The following ICA1 variants were observed in gnomAD, a reference collection of about 807,000 sequenced individuals.
The protein encoded by ICA1 is islet cell autoantigen 1.
Under a neutral mutation model 71.0 loss-of-function variants are expected in ICA1, and 40 were observed. That is an observed-to-expected ratio of 0.56 (90% CI 0.44 to 0.73). ICA1 has a LOEUF of 0.73. Ranked by LOEUF, ICA1 falls within the 30% of genes least tolerant of loss-of-function variation. The probability of loss-of-function intolerance (pLI) is 0.00; values close to 1 mark genes in which losing one functional copy is unlikely to be tolerated. For synonymous variants in ICA1, 207 were observed against 209.5 expected, an observed-to-expected ratio of 0.99 and a Z score of 0.10; for missense variants, 578 against 576.5, an observed-to-expected ratio of 1.00 and a Z score of -0.03.
Position 8,221,377 on chromosome 7 carries a change from T to C in ICA1, c.278A>G (p.Glu93Gly). 10 of 1,613,554 alleles carry C rather than the reference T, an allele frequency of 6.2e-6. No individual in the cohort carries two copies. Among genetic ancestry groups the C allele is most frequent in the Non-Finnish European group, 8.5e-6 (10 of 1,179,608 alleles). The change falls in exon 5 of 14, where the codon GAA becomes GGA. Residue 93 changes from glutamate (E) to glycine (G), a missense_variant. Transcript: ENST00000402384. The stretch of plus-strand genomic sequence containing the variant: ...TTGGGATCGAAGAAATTTTCCCAGT[T>C]CGTTTTCTTCTTGAGACAAGACTGA... Reference protein sequence around the residue: ...RICFLSQEENELGKFLRSQGF... With the variant: ...RICFLSQEENGLGKFLRSQGF...
At chr7:8,242,710 C>A (rs1285100687) in intron 1 of ICA1, among the ~76,000 whole-genome samples, 1 of 151,966 alleles carries the variant, frequency 6.6e-6, no homozygotes, top group Non-Finnish European at 1.5e-5. Flanking sequence ...CAAACAGATG[C>A]AATAAAAAAT....
chr7:8,245,199 G>A (rs1805502430), intron 1 of ICA1, among the ~76,000 whole-genome samples: 2 of 152,124 alleles, frequency 1.3e-5, no homozygotes, highest in South Asian at 4.1e-4. Context: ...AGAAAATGCG[G>A]CACATATACA....
In ICA1 at chr7:8,153,836, A is replaced by AATATATATATATATATATATATATAT. The variant is rs33924786; in HGVS notation, c.804+3279_804+3280insATATATATATATATATATATATATAT. Reference sequence around the variant, plus strand: ...AATATATTAATTACAACTCATGCAGAATATATATATATATATATATATGTA... The same window carrying AATATATATATATATATATATATATAT: ...AATATATTAATTACAACTCATGCAGAATATATATATATATATATATATATATATATATATATATATATATATATGTA... On this transcript the variant is annotated intron_variant, in intron 8 of 13. Coordinates refer to ENST00000402384, the MANE Select transcript of ICA1 (RefSeq NM_001136020.3). Among the ~76,000 whole-genome samples, 530 of 136,878 alleles carry AATATATATATATATATATATATATAT rather than the reference A, an allele frequency of 3.9e-3. 8 individuals carry two copies. Among genetic ancestry groups the AATATATATATATATATATATATATAT allele is most frequent in the Non-Finnish European group, 5.4e-3 (340 of 62,942 alleles). The allele number at this position is 136,878 out of a possible 152,430, so 89.8% of individuals were successfully genotyped here.
chr7:8,237,819 GACACAC>G (rs57343882), intron 1 of ICA1, among the ~76,000 whole-genome samples: 31 of 142,164 alleles, frequency 2.2e-4, no homozygotes, highest in African/African-American at 5.6e-4. Flanking sequence ...GTTGAAGACA[GACACAC>G]ACACACACAC....
intron 6 of ICA1, among the ~76,000 whole-genome samples, chr7:8,159,269 C>T (rs758792947): frequency 3.5e-4 from 54 of 152,150 alleles, no homozygotes; most frequent in Non-Finnish European, 6.5e-4. Context: ...TACTGAGTAA[C>T]GTGTACTAGT....
rs1043756969 is a variant in ICA1 at position 8,132,338 on chromosome 7, C to T, written c.1061-4196G>A. Among the ~76,000 whole-genome samples, 2 of 152,170 alleles carry T rather than the reference C, an allele frequency of 1.3e-5. No homozygotes were observed. Among genetic ancestry groups the T allele is most frequent in the Non-Finnish European group, 2.9e-5 (2 of 68,024 alleles). On this transcript the variant is annotated intron_variant, in intron 12 of 13. Coordinates refer to ENST00000402384, the MANE Select transcript of ICA1 (RefSeq NM_001136020.3). The surrounding 1 kb of genome is among the most constrained non-coding windows in gnomAD (Gnocchi z 4.5). ...AGCCGCAGGAGATGTGTGCCTATCT[C>T]AACAATAATCAGCCTTCACTTGATG...
At chr7:8,198,383 G>A (rs953312162) in intron 6 of ICA1, among the ~76,000 whole-genome samples, 3 of 152,210 alleles carry the variant, frequency 2.0e-5, no homozygotes, top group Non-Finnish European at 4.4e-5. Context: ...ATATGAGGCT[G>A]AAAATAGTGT....
chr7:8,157,206 C>T lies in ICA1; in HGVS notation c.714G>A (p.Leu238=). The change falls in exon 8 of 14, where the codon CTG becomes CTA. Residue 238 remains leucine, a synonymous_variant. Coordinates refer to ENST00000402384, the MANE Select transcript of ICA1 (RefSeq NM_001136020.3). The part of the protein sequence containing the change: ...SHMLATYQTT[L]LHFWEKTSHT... ...GAGAAGTTTTCTCCCAAAAATGAAGCAGAGTGGTCTGCAAAGAAAGACAGT... is the reference window on the plus strand; with the variant it reads ...GAGAAGTTTTCTCCCAAAAATGAAGTAGAGTGGTCTGCAAAGAAAGACAGT... 6.2e-7 allele frequency: 1 copy of T among 1,603,346 alleles called. No individual in the cohort carries two copies. The highest frequency in any genetic ancestry group is 8.5e-7 in the Non-Finnish European group (1 of 1,176,694).
chr7:8,241,180 C>A (rs888259189), intron 1 of ICA1, among the ~76,000 whole-genome samples: 2 of 152,112 alleles, frequency 1.3e-5, no homozygotes, highest in African/African-American at 4.8e-5. Context: ...GTTGGGTTAC[C>A]CACAAAGGGA....
At chr7:8,179,012 T>C (rs1489792007) in intron 6 of ICA1, among the ~76,000 whole-genome samples, 1 of 152,194 alleles carries the variant, frequency 6.6e-6, no homozygotes, top group Non-Finnish European at 1.5e-5. Flanking sequence ...TGAGCAGAAG[T>C]AAACTGCATC....
chr7:8,131,816 T>C (rs774374897), intron 12 of ICA1, among the ~76,000 whole-genome samples: 3 of 152,228 alleles, frequency 2.0e-5, no homozygotes, highest in African/African-American at 4.8e-5. Context: ...ATCATTTTCT[T>C]TGAAAAAAAT....
chr7:8,215,646 G>A (rs545194652), intron 6 of ICA1, among the ~76,000 whole-genome samples: 3 of 152,352 alleles, frequency 2.0e-5, no homozygotes, highest in East Asian at 1.9e-4. Flanking sequence ...ATAAATGAAT[G>A]AGTGGATACT....
At chr7:8,162,379 C>G (rs1804190299) in intron 6 of ICA1, among the ~76,000 whole-genome samples, 1 of 152,208 alleles carries the variant, frequency 6.6e-6, no homozygotes, top group African/African-American at 2.4e-5. Context: ...TGAGCCCTTT[C>G]CCTGCCAAAC....
rs1802579414 is a variant in ICA1, at chr7:8,158,608, C to T, written c.624G>A (p.Leu208=). Residue 208 remains leucine (L), a synonymous_variant, in exon 7 of 14, where the codon TTG becomes TTA. Coordinates refer to ENST00000402384, the MANE Select transcript of ICA1 (RefSeq NM_001136020.3). ...VRLAKKNFDK[L]KMDVCQKVDL... is the part of the protein sequence containing the mutation. Reference sequence around the variant, plus strand: ...CCACTTTTTGACAAACATCCATCTTCAATTTGTCAAAGTTTTTTTTTGCAA... The same window carrying T: ...CCACTTTTTGACAAACATCCATCTTTAATTTGTCAAAGTTTTTTTTTGCAA... The T allele has an allele frequency of 6.2e-7, 1 of 1,614,058 alleles. No individual in the cohort carries two copies. Among genetic ancestry groups the T allele is most frequent in the Non-Finnish European group, 8.5e-7 (1 of 1,179,942 alleles).
At position 8,144,988 on chromosome 7, in the gene ICA1, G is replaced by A. The variant is rs917731274; in HGVS notation, c.805-1016C>T. ...GGCTGACTGGAGGGCCAGTGAAGATGGTTCTCAGGCTGTGTCTCGGCAGAG... is the reference window on the plus strand; with the variant it reads ...GGCTGACTGGAGGGCCAGTGAAGATAGTTCTCAGGCTGTGTCTCGGCAGAG... On this transcript the variant is annotated intron_variant, in intron 8 of 13. Transcript: ENST00000402384. This position sits in a 1 kb window ranked among gnomAD's most constrained non-coding sequence, Gnocchi z 4.5. Among the ~76,000 whole-genome samples, 2 of 152,090 alleles carry A rather than the reference G, an allele frequency of 1.3e-5. No individual in the cohort carries two copies. The highest frequency in any genetic ancestry group is 2.9e-5 in the Non-Finnish European group (2 of 67,998).
intron 6 of ICA1, among the ~76,000 whole-genome samples, chr7:8,193,313 C>A (rs910214310): frequency 1.3e-5 from 2 of 152,142 alleles, no homozygotes; most frequent in East Asian, 3.8e-4. Flanking sequence ...GAGTTTACAT[C>A]CATATCTCCA....
At chr7:8,117,827 C>G (rs1785268953) in intron 13 of ICA1, among the ~76,000 whole-genome samples, 1 of 152,160 alleles carries the variant, frequency 6.6e-6, no homozygotes, top group Non-Finnish European at 1.5e-5. Flanking sequence ...GTATATGGCA[C>G]AAAAAGTATA....
At chr7:8,199,086 G>C (rs188815778) in intron 6 of ICA1, among the ~76,000 whole-genome samples, 22 of 152,274 alleles carry the variant, frequency 1.4e-4, no homozygotes, top group Non-Finnish European at 2.9e-4. Flanking sequence ...CCAAAAGACA[G>C]GCAATAACAA....
At chr7:8,251,933 T>A (rs191965427) in intron 1 of ICA1, among the ~76,000 whole-genome samples, 2 of 152,272 alleles carry the variant, frequency 1.3e-5, no homozygotes, top group East Asian at 1.9e-4. Context: ...TTTCAAAGGA[T>A]GATCGATGGT....
Sources: allele counts gnomAD v4.1 joint callset (sites outside exome capture counted in the v4.1 genomes callset), GRCh38; gene constraint gnomAD v4.1.1; non-coding constraint Gnocchi (gnomAD v3.1); transcripts MANE v1.5; gene names NCBI Gene and HGNC (gene_info 2026-07-23, HGNC 2026-07-21).